ANO3: variants seen among roughly 807,000 people sequenced by gnomAD.
ANO3 encodes anoctamin 3.
ANO3 carries 99 observed loss-of-function variants against 144.8 expected under a neutral mutation model. That is an observed-to-expected ratio of 0.68 (90% CI 0.58 to 0.81). The LOEUF (loss-of-function observed/expected upper bound fraction) is 0.81, where lower values mean the gene tolerates loss of function less well. Ranked by LOEUF, ANO3 falls within the 30% of genes least tolerant of loss-of-function variation. The pLI is 0.00. For missense variants in ANO3, 905 were observed against 1,202.2 expected (o/e 0.75, Z 3.66); for synonymous variants, 414 against 392.6 (o/e 1.05, Z -0.64).
chr11:26,584,349 G>A (rs1451793746), intron 14 of ANO3, among the ~76,000 whole-genome samples: 1 of 152,138 alleles, frequency 6.6e-6, no homozygotes, highest in African/African-American at 2.4e-5. Flanking sequence ...AGTAGAGACA[G>A]GGTTTCACCA....
At chr11:26,508,392 A>C in intron 5 of ANO3, 130 bp downstream of exon 5, 1 of 730,926 alleles carries the variant, frequency 1.4e-6, no homozygotes, top group South Asian at 2.3e-5. Flanking sequence ...ACAAATGTTA[A>C]ATAAATACAT....
chr11:26,270,340 CTAA>C (rs1269324504), intron 1 of ANO3, among the ~76,000 whole-genome samples: 4 of 152,094 alleles, frequency 2.6e-5, no homozygotes, highest in Admixed American at 6.6e-5. Flanking sequence ...AAACAATCTA[CTAA>C]AATTACTCTA....
chr11:26,485,553 C>G (rs1339726763), intron 4 of ANO3, among the ~76,000 whole-genome samples: 1 of 152,124 alleles, frequency 6.6e-6, no homozygotes, highest in Non-Finnish European at 1.5e-5. Flanking sequence ...ATGAAGTACC[C>G]AGTCTCAAGT....
intron 5 of ANO3, among the ~76,000 whole-genome samples, chr11:26,516,010 A>G (rs1266012697): frequency 6.6e-6 from 1 of 151,930 alleles, no homozygotes; most frequent in Non-Finnish European, 1.5e-5. Flanking sequence ...CTAGGTAGTC[A>G]GTTGTTTATT....
At chr11:26,537,504 A>G (rs747331894) in intron 10 of ANO3, 43 bp downstream of exon 10, 3 of 1,475,044 alleles carry the variant, frequency 2.0e-6, no homozygotes, top group East Asian at 2.3e-5. Context: ...CAAGGTTTTC[A>G]TGCTCAATGC....
In ANO3 at chr11:26,559,794, C is replaced by A; in HGVS notation, c.1447+15C>A. On this transcript the variant is annotated intron_variant, in intron 14 of 26. Transcript: ENST00000256737. ...GGCAATATGGGGTAAGTACTTTCTT[C>A]ATTACTTTCTATCCCTTATTTTCTG... 2 of 1,564,244 alleles carry A rather than the reference C, an allele frequency of 1.3e-6. No individual in the cohort carries two copies. Among genetic ancestry groups the A allele is most frequent in the Non-Finnish European group, 1.8e-6 (2 of 1,138,836 alleles).
At chr11:26,631,154 GTGTT>G (rs1466542217) in intron 18 of ANO3, among the ~76,000 whole-genome samples, 9 of 151,912 alleles carry the variant, frequency 5.9e-5, no homozygotes, top group Admixed American at 5.9e-4. Flanking sequence ...CTTCAGTACA[GTGTT>G]TGTACATCTT....
intron 14 of ANO3, among the ~76,000 whole-genome samples, chr11:26,578,134 A>T (rs1482104271): frequency 1.3e-5 from 2 of 152,186 alleles, no homozygotes; most frequent in African/African-American, 2.4e-5. Context: ...GTATATTGTA[A>T]TTTCCAAGAG....
At chr11:26,466,002 T>C (rs530330337) in intron 4 of ANO3, among the ~76,000 whole-genome samples, 3 of 152,084 alleles carry the variant, frequency 2.0e-5, no homozygotes, top group Admixed American at 6.6e-5. Flanking sequence ...TATACTGAAA[T>C]TATTCAAAAT....
Position 26,584,271 on chromosome 11 carries a change from G to A in ANO3, c.1448-14094G>A, listed in dbSNP as rs190612173. Among the ~76,000 whole-genome samples, 26 of 152,208 alleles carry A rather than the reference G, an allele frequency of 1.7e-4. No individual in the cohort carries two copies. The East Asian group carries it at 4.5e-3, about 26-fold the overall frequency. On this transcript the variant is annotated intron_variant, in intron 14 of 26. Coordinates refer to ENST00000256737, the MANE Select transcript of ANO3 (RefSeq NM_031418.4). Reference sequence around the variant, plus strand: ...CCTCCTGTGTTCAAGCAATTCTCCTGCCTCAGCCTCCCATGTAGCTGGGAT... The same window carrying A: ...CCTCCTGTGTTCAAGCAATTCTCCTACCTCAGCCTCCCATGTAGCTGGGAT...
chr11:26,436,061 T>C (rs1565023502), intron 1 of ANO3, among the ~76,000 whole-genome samples: 1 of 152,168 alleles, frequency 6.6e-6, no homozygotes, highest in Admixed American at 6.5e-5. Context: ...GCAATGGTCA[T>C]GTGGGGGCAG....
chr11:26,634,902 G>A, intron 19 of ANO3, 111 bp from the exon 20 acceptor site: 1 of 786,698 alleles, frequency 1.3e-6, no homozygotes, highest in Non-Finnish European at 2.2e-6. Context: ...GGGACAGATT[G>A]CACCAGTGAG....
rs1161631402 is a variant in ANO3, at chr11:26,194,439, G to GGTGTGTGT, written c.154+5150_154+5157dup. 1.9e-3 allele frequency among the ~76,000 whole-genome samples: 116 copies of GGTGTGTGT among 60,590 alleles called. 1 individual carries two copies. The highest frequency in any genetic ancestry group is 3.5e-3 in the South Asian group (6 of 1,696). 39.7% of individuals were successfully genotyped at this position (60,590 alleles called of 152,430 possible). ...TTTTTCATCTTTGTGGGTACATAGT[G>GGTGTGTGT]GTGTGTGTGTGTGTGTGTGTGTGTG... On this transcript the variant is annotated intron_variant, in intron 1 of 27. Transcript: ENST00000672621.
chr11:26,519,080 A>C (rs944874745), intron 6 of ANO3, among the ~76,000 whole-genome samples: 1 of 152,156 alleles, frequency 6.6e-6, no homozygotes, highest in Non-Finnish European at 1.5e-5. Flanking sequence ...AGGATCCTTC[A>C]TCCTGCCCCA....
At chr11:26,417,535 T>C (rs1392151581) in intron 1 of ANO3, among the ~76,000 whole-genome samples, 6 of 152,070 alleles carry the variant, frequency 3.9e-5, no homozygotes, top group Non-Finnish European at 8.8e-5. Flanking sequence ...GCAAGTTTAT[T>C]AGAGCAACAG....
chr11:26,413,236 C>T (rs1163781068), intron 1 of ANO3, among the ~76,000 whole-genome samples: 1 of 152,062 alleles, frequency 6.6e-6, no homozygotes, highest in Non-Finnish European at 1.5e-5. Flanking sequence ...TTCAATCACA[C>T]CCTTTTGCAA....
At chr11:26,473,954 C>CA in intron 4 of ANO3, 1 of 985,054 alleles carries the variant, frequency 1.0e-6, no homozygotes, top group Non-Finnish European at 1.2e-6. Flanking sequence ...ACCCTCCAGT[C>CA]AAATGCTTTG....
chr11:26,343,666 T>C (rs57183204), intron 1 of ANO3, among the ~76,000 whole-genome samples: 8,384 of 152,258 alleles, frequency 0.055, 612 homozygotes, highest in African/African-American at 0.17. Context: ...TAATAGGAGA[T>C]AGATTGTAGT....
chr11:26,582,711 T>C (rs142389233), intron 14 of ANO3, among the ~76,000 whole-genome samples: 1,744 of 152,268 alleles, frequency 0.011, 28 homozygotes, highest in African/African-American at 0.039. Context: ...TGACTTTTAT[T>C]TTCTTCTTTA....
Sources: gnomAD v4.1 joint callset for allele counts (sites outside exome capture counted in the v4.1 genomes callset) on GRCh38, gnomAD v4.1.1 for gene constraint, MANE v1.5 for transcripts, NCBI Gene and HGNC (gene_info 2026-07-23, HGNC 2026-07-21) for gene names.